The following TCF7L1 variants were observed in gnomAD, a reference collection of about 807,000 sequenced individuals.
TCF7L1 encodes transcription factor 7 like 1, also known as transcription factor 7-like 1.
In TCF7L1, 18 loss-of-function variants were observed where a neutral mutation model predicts 63.7. The ratio of observed to expected loss-of-function variants is 0.28; its 90% CI spans 0.20 to 0.42. The LOEUF (loss-of-function observed/expected upper bound fraction) is 0.42, where lower values mean the gene tolerates loss of function less well. TCF7L1 is among the 10% of genes least tolerant of loss of function. The pLI is 1.00. For missense variants in TCF7L1, 654 were observed against 779.3 expected, an observed-to-expected ratio of 0.84 and a Z score of 1.91; for synonymous variants, 355 against 340.9, an observed-to-expected ratio of 1.04 and a Z score of -0.46.
At chr2:85,254,433 C>G (rs1319384286) in intron 3 of TCF7L1, among the ~76,000 whole-genome samples, 2 of 152,226 alleles carry the variant, frequency 1.3e-5, no homozygotes, top group Admixed American at 6.5e-5. Flanking sequence ...GTCAGTGGTG[C>G]TTTTTCCTGC....
At chr2:85,265,743 G>T (rs1680954978) in intron 3 of TCF7L1, among the ~76,000 whole-genome samples, 1 of 151,242 alleles carries the variant, frequency 6.6e-6, no homozygotes, top group Admixed American at 6.6e-5. Flanking sequence ...AGAGGCTGAA[G>T]ATTTGAATAT....
At chr2:85,203,373 T>C (rs1558632707) in intron 3 of TCF7L1, among the ~76,000 whole-genome samples, 2 of 152,302 alleles carry the variant, frequency 1.3e-5, no homozygotes, top group South Asian at 4.1e-4. Context: ...TTAGTTGAAA[T>C]GCATGTTCAG....
chr2:85,256,839 C>T (rs997949079), intron 3 of TCF7L1, among the ~76,000 whole-genome samples: 1 of 151,834 alleles, frequency 6.6e-6, no homozygotes, highest in South Asian at 2.1e-4. Context: ...AAAAATTAGC[C>T]GGGTGTGGTG....
intron 3 of TCF7L1, among the ~76,000 whole-genome samples, chr2:85,219,000 C>CA (rs934849367): frequency 4.0e-5 from 6 of 151,876 alleles, no homozygotes; most frequent in South Asian, 2.1e-4. Flanking sequence ...CCTGTCTCTA[C>CA]AAAAAATAAA....
At chr2:85,194,156 A>G (rs1320122658) in intron 3 of TCF7L1, among the ~76,000 whole-genome samples, 1 of 152,102 alleles carries the variant, frequency 6.6e-6, no homozygotes, top group Admixed American at 6.5e-5. Flanking sequence ...AAGTCCCCCA[A>G]ACAGAGCACC....
At chr2:85,196,537 ATTTTT>A (rs111548214) in intron 3 of TCF7L1, among the ~76,000 whole-genome samples, 2 of 142,998 alleles carry the variant, frequency 1.4e-5, no homozygotes, top group African/African-American at 5.1e-5. Flanking sequence ...CATCAGGACT[ATTTTT>A]TTTTTTTTTA....
chr2:85,237,843 TA>T (rs1680229438), intron 3 of TCF7L1, among the ~76,000 whole-genome samples: 1 of 151,786 alleles, frequency 6.6e-6, no homozygotes, highest in African/African-American at 2.4e-5. Context: ...ACAGGAGGCC[TA>T]AAGCGGGGTT....
intron 3 of TCF7L1, among the ~76,000 whole-genome samples, chr2:85,153,306 G>T (rs1574081099): frequency 6.6e-6 from 1 of 150,416 alleles, no homozygotes; most frequent in South Asian, 2.1e-4. Context: ...TGTTTTAGTG[G>T]TCCTGGGTTT....
chr2:85,274,484 A>G (rs886705339), intron 3 of TCF7L1, among the ~76,000 whole-genome samples: 8 of 152,052 alleles, frequency 5.3e-5, no homozygotes. Context: ...AAGCAGGCCC[A>G]CGTCAGCTGA....
chr2:85,192,108 G>A (rs1329719973), intron 3 of TCF7L1, among the ~76,000 whole-genome samples: 1 of 152,210 alleles, frequency 6.6e-6, no homozygotes, highest in Non-Finnish European at 1.5e-5. Flanking sequence ...GATGGCAGGT[G>A]CAGCCACAGT....
At chr2:85,170,151 A>G (rs1173747533) in intron 3 of TCF7L1, among the ~76,000 whole-genome samples, 3 of 152,198 alleles carry the variant, frequency 2.0e-5, no homozygotes, top group East Asian at 3.8e-4. Flanking sequence ...CCTGCAGCCC[A>G]GTGAGTAGAG....
In TCF7L1 at chr2:85,244,965, G is replaced by A. The variant is rs542964450; in HGVS notation, c.442-38530G>A. Among the ~76,000 whole-genome samples the A allele has an allele frequency of 4.1e-3, 628 of 152,246 alleles. 10 individuals carry two copies. Among genetic ancestry groups the A allele is most frequent in the African/African-American group, 0.015 (613 of 41,534 alleles). On this transcript the variant is annotated intron_variant, in intron 3 of 11. Coordinates refer to ENST00000282111, the MANE Select transcript of TCF7L1 (RefSeq NM_031283.3). ...GCAGCCAAGGAGGGGAGTGTACGAA[G>A]GAAGAGGGGCTGCTGCTGAAGGTCG... is the stretch of plus-strand genomic sequence containing the variant.
chr2:85,156,670 G>A (rs556095944), intron 3 of TCF7L1, among the ~76,000 whole-genome samples: 1 of 152,318 alleles, frequency 6.6e-6, no homozygotes, highest in Non-Finnish European at 1.5e-5. Context: ...GTTTCCATGA[G>A]CACATTTCAA....
chr2:85,253,388 T>C (rs1217431372), intron 3 of TCF7L1, among the ~76,000 whole-genome samples: 1 of 152,194 alleles, frequency 6.6e-6, no homozygotes, highest in Non-Finnish European at 1.5e-5. Context: ...GTCTGGTCTG[T>C]TGGCTGTTTG....
At chr2:85,259,245 G>T (rs1433466931) in intron 3 of TCF7L1, among the ~76,000 whole-genome samples, 2 of 152,202 alleles carry the variant, frequency 1.3e-5, no homozygotes, top group Non-Finnish European at 2.9e-5. Context: ...TTCTAAAACT[G>T]CTCTGTCAGT....
At position 85,134,496 on chromosome 2, in the gene TCF7L1, C is replaced by G. The variant is rs914625299; in HGVS notation, c.441+46C>G. ...CCGGGGAGGGTGGGAGGCCGCGGCCCGCAGGATGCGCCCCCGGGCTTGGCC... is the reference window on the plus strand; with the variant it reads ...CCGGGGAGGGTGGGAGGCCGCGGCCGGCAGGATGCGCCCCCGGGCTTGGCC... On this transcript the variant is annotated intron_variant, in intron 3 of 11. Coordinates refer to ENST00000282111, the MANE Select transcript of TCF7L1 (RefSeq NM_031283.3). The surrounding 1 kb of genome is among the most constrained non-coding windows in gnomAD (Gnocchi z 5.0). 1.3e-6 allele frequency: 2 copies of G among 1,540,780 alleles called. No individual in the cohort carries two copies. Among genetic ancestry groups the G allele is most frequent in the African/African-American group, 1.4e-5 (1 of 72,706 alleles).
chr2:85,197,729 A>G (rs1034180410), intron 3 of TCF7L1, among the ~76,000 whole-genome samples: 1 of 152,192 alleles, frequency 6.6e-6, no homozygotes, highest in Non-Finnish European at 1.5e-5. Context: ...TTACAGATTC[A>G]TCTGATTTTT....
intron 3 of TCF7L1, among the ~76,000 whole-genome samples, chr2:85,189,092 T>G (rs1359702374): frequency 6.6e-6 from 1 of 152,170 alleles, no homozygotes; most frequent in Non-Finnish European, 1.5e-5. Flanking sequence ...GTAAATAGAC[T>G]TCTCTGCTCC....
chr2:85,302,449 TG>T (rs771022887), intron 4 of TCF7L1, 34 bp from the exon 5 acceptor site: 1 of 1,613,978 alleles, frequency 6.2e-7, no homozygotes, highest in South Asian at 1.1e-5. Flanking sequence ...TCCATCTCCT[TG>T]GCAACCATTC....
Sources: gnomAD v4.1 joint callset for allele counts (sites outside exome capture counted in the v4.1 genomes callset) on GRCh38, gnomAD v4.1.1 for gene constraint, Gnocchi (gnomAD v3.1) non-coding constraint, MANE v1.5 for transcripts, NCBI Gene and HGNC (gene_info 2026-07-23, HGNC 2026-07-21) for gene names.